Variants in C8orf34 observed in about 807,000 individuals in gnomAD.
The protein encoded by C8orf34 is uncharacterized protein C8orf34.
C8orf34 carries 65 observed loss-of-function variants against 68.3 expected under a neutral mutation model. The ratio of observed to expected loss-of-function variants is 0.95; its 90% CI spans 0.78 to 1.17. The LOEUF is 1.17. Among genes scored for constraint, C8orf34 ranks in the 50% most tolerant of loss-of-function variants. C8orf34 has a pLI of 0.00. For missense variants in C8orf34, 664 were observed against 655.4 expected (o/e 1.01, Z -0.14); for synonymous variants, 244 against 241.2 (o/e 1.01, Z -0.11).
intron 7 of C8orf34, among the ~76,000 whole-genome samples, chr8:68,614,720 C>A (rs1242408810): frequency 6.6e-6 from 1 of 152,112 alleles, no homozygotes; most frequent in South Asian, 2.1e-4. Context: ...AGTCAGGAAG[C>A]CTGATGCCTC....
At chr8:68,435,122 C>A (rs1810608022) in intron 1 of C8orf34, among the ~76,000 whole-genome samples, 1 of 148,056 alleles carries the variant, frequency 6.8e-6, no homozygotes, top group African/African-American at 2.5e-5. Context: ...ATGTATTATT[C>A]ATATATAATA....
intron 10 of C8orf34, among the ~76,000 whole-genome samples, chr8:68,746,091 C>T (rs1479528517): frequency 6.6e-6 from 1 of 152,164 alleles, no homozygotes; most frequent in African/African-American, 2.4e-5. Context: ...TCACTCAAAA[C>T]CACTCAATTA....
At chr8:68,381,761 A>AAAAC (rs1563392843) in intron 1 of C8orf34, among the ~76,000 whole-genome samples, 2 of 150,850 alleles carry the variant, frequency 1.3e-5, no homozygotes, top group African/African-American at 4.9e-5. Context: ...AAAAAAAAAA[A>AAAAC]ATAGGTATAT....
At chr8:68,616,710 C>G (rs1053917647) in intron 7 of C8orf34, among the ~76,000 whole-genome samples, 15 of 152,038 alleles carry the variant, frequency 9.9e-5, no homozygotes, top group African/African-American at 2.4e-4. Context: ...TTACTTCCAA[C>G]TATGTGGTCA....
chr8:68,497,686 A>G (rs565773060), intron 5 of C8orf34, among the ~76,000 whole-genome samples: 3 of 152,342 alleles, frequency 2.0e-5, no homozygotes, highest in Admixed American at 6.5e-5. Context: ...TACAAATGAA[A>G]GGATATCTCT....
At chr8:68,691,962 AG>A (rs1820697463) in intron 8 of C8orf34, among the ~76,000 whole-genome samples, 1 of 152,054 alleles carries the variant, frequency 6.6e-6, no homozygotes, top group South Asian at 2.1e-4. Context: ...ATAAAATGTG[AG>A]GGGAGACTCT....
In C8orf34 at chr8:68,768,445, T is replaced by C. The variant is rs541765632; in HGVS notation, c.1405-7954T>C. ...TTTCTATCTCTTTTCAGTGGACAGT[T>C]AGTTCTCATCAACACTTTTAATTCA... On this transcript the variant is annotated intron_variant, in intron 10 of 13. Transcript: ENST00000518698. Among the ~76,000 whole-genome samples, 10 of 152,250 alleles carry C rather than the reference T, an allele frequency of 6.6e-5. No homozygotes were observed. In the South Asian group the frequency reaches 1.2e-3, roughly 19 times the overall value.
intron 5 of C8orf34, among the ~76,000 whole-genome samples, chr8:68,508,619 T>G (rs1814125753): frequency 6.6e-6 from 1 of 152,186 alleles, no homozygotes; most frequent in South Asian, 2.1e-4. Flanking sequence ...CCCTCTCATG[T>G]GTCCAGAGGT....
intron 7 of C8orf34, among the ~76,000 whole-genome samples, chr8:68,626,945 T>G (rs1210980524): frequency 6.6e-6 from 1 of 152,024 alleles, no homozygotes; most frequent in African/African-American, 2.4e-5. Flanking sequence ...TCAAGAAATA[T>G]TAAATATATA....
At chr8:68,448,937 TTTAA>T (rs1370857818) in intron 3 of C8orf34, among the ~76,000 whole-genome samples, 14 of 152,068 alleles carry the variant, frequency 9.2e-5, no homozygotes, top group Non-Finnish European at 1.6e-4. Flanking sequence ...TAAAAGGTTA[TTTAA>T]TTAAGAAGAC....
chr8:68,336,354 T>A (rs814448), intron 1 of C8orf34, among the ~76,000 whole-genome samples: 15,543 of 152,004 alleles, frequency 0.1, 995 homozygotes, highest in African/African-American at 0.18. Context: ...CCTGGCAGGG[T>A]CAGAAGATTT....
At chr8:68,673,164 T>C (rs1160624681) in intron 8 of C8orf34, among the ~76,000 whole-genome samples, 2 of 152,106 alleles carry the variant, frequency 1.3e-5, no homozygotes, top group Non-Finnish European at 2.9e-5. Flanking sequence ...GAAACTCAGA[T>C]ATGTGTGGGC....
intron 4 of C8orf34, among the ~76,000 whole-genome samples, chr8:68,486,261 CAT>C (rs572681551): frequency 2.6e-5 from 4 of 152,130 alleles, no homozygotes; most frequent in Non-Finnish European, 5.9e-5. Flanking sequence ...GTGGTGCTGT[CAT>C]ATCTGAGTTC....
chr8:68,792,421 A>T (rs1421496087), intron 12 of C8orf34: 2 of 151,768 alleles, frequency 1.3e-5, no homozygotes, highest in African/African-American at 4.8e-5. Flanking sequence ...AAATACAAAA[A>T]ATTAGTCGGG....
intron 5 of C8orf34, among the ~76,000 whole-genome samples, chr8:68,495,653 G>A (rs1190235734): frequency 6.6e-6 from 1 of 152,210 alleles, no homozygotes; most frequent in Non-Finnish European, 1.5e-5. Flanking sequence ...TTATTCACCA[G>A]TTTAACAGAT....
intron 8 of C8orf34, among the ~76,000 whole-genome samples, chr8:68,641,822 AAT>A (rs1358794168): frequency 2.0e-5 from 3 of 152,224 alleles, no homozygotes; most frequent in African/African-American, 7.2e-5. Context: ...TCAGCTTCCT[AAT>A]ATATAGACTG....
intron 8 of C8orf34, among the ~76,000 whole-genome samples, chr8:68,660,994 A>G (rs1009324104): frequency 6.6e-6 from 1 of 152,138 alleles, no homozygotes; most frequent in East Asian, 1.9e-4. Flanking sequence ...TCCAACAGGG[A>G]GAGAAACTCT....
intron 7 of C8orf34, among the ~76,000 whole-genome samples, chr8:68,621,786 A>G (rs545507309): frequency 6.6e-6 from 1 of 152,226 alleles, no homozygotes; most frequent in Non-Finnish European, 1.5e-5. Flanking sequence ...AGACTTCACT[A>G]AGAATTTTCT....
chr8:68,692,515 AGT>A (rs1279318912), intron 8 of C8orf34, among the ~76,000 whole-genome samples: 1 of 152,058 alleles, frequency 6.6e-6, no homozygotes, highest in African/African-American at 2.4e-5. Flanking sequence ...CAGCTTATAT[AGT>A]GTCTTCAACA....
Sources: gnomAD v4.1 joint callset for allele counts (sites outside exome capture counted in the v4.1 genomes callset) on GRCh38, gnomAD v4.1.1 for gene constraint, MANE v1.5 for transcripts, NCBI Gene and HGNC (gene_info 2026-07-23, HGNC 2026-07-21) for gene names.